Variants in UBR2 observed in about 807,000 individuals in gnomAD.
The protein encoded by UBR2 is ubiquitin protein ligase E3 component n-recognin 2.
A neutral mutation model predicts 247.9 loss-of-function variants in UBR2; 92 were observed. That is an observed-to-expected ratio of 0.37 (90% CI 0.31 to 0.44). The LOEUF (loss-of-function observed/expected upper bound fraction) is 0.44. Among genes scored for constraint, UBR2 ranks in the 20% least tolerant of loss-of-function variants. The probability of loss-of-function intolerance (pLI) is 1.00; values close to 1 mark genes in which losing one functional copy is unlikely to be tolerated. For synonymous variants in UBR2, 672 were observed against 693.5 expected, an observed-to-expected ratio of 0.97 and a Z score of 0.49; for missense variants, 1,613 against 2,112.6, an observed-to-expected ratio of 0.76 and a Z score of 4.64.
chr6:42,581,102 T>C (rs1791865135), intron 2 of UBR2, among the ~76,000 whole-genome samples: 2 of 145,310 alleles, frequency 1.4e-5, no homozygotes, highest in South Asian at 4.6e-4. Context: ...CAGCCTCAAC[T>C]TCCCAGGTTC....
rs1234872126 is a variant in UBR2 at position 42,643,628 on chromosome 6, A to G, written c.2098-586A>G. ...AAATAAATAAAAATAAAGTCAAGAAATGTATATTTCAAAAAAATATTAGTT... is the reference window on the plus strand; with the variant it reads ...AAATAAATAAAAATAAAGTCAAGAAGTGTATATTTCAAAAAAATATTAGTT... On this transcript the variant is annotated intron_variant, in intron 18 of 46. Coordinates refer to ENST00000372901, the MANE Select transcript of UBR2 (RefSeq NM_001363705.2). 3.3e-5 allele frequency among the ~76,000 whole-genome samples: 5 copies of G among 152,152 alleles called. 1 individual carries two copies. Among genetic ancestry groups the G allele is most frequent in the South Asian group, 4.1e-4 (2 of 4,830 alleles).
intron 8 of UBR2, among the ~76,000 whole-genome samples, chr6:42,614,412 G>A (rs1211676243): frequency 1.7e-4 from 9 of 54,524 alleles, no homozygotes; most frequent in African/African-American, 5.0e-4. Context: ...ACGTATGTAT[G>A]TACGTACGTA....
chr6:42,691,245 C>A lies in UBR2; in HGVS notation c.*72C>A. The A allele has an allele frequency of 6.4e-7, 1 of 1,567,180 alleles. No homozygotes were observed. The highest frequency in any genetic ancestry group is 8.6e-7 in the Non-Finnish European group (1 of 1,157,168). Reference sequence around the variant, plus strand: ...TGGCTTTTTAAGAAAGAAAGAAGTTCTGCTGAATTTGGAAATAAATTCTTT... The same window carrying A: ...TGGCTTTTTAAGAAAGAAAGAAGTTATGCTGAATTTGGAAATAAATTCTTT... On this transcript the variant is annotated 3_prime_UTR_variant, in exon 47 of 47. Coordinates refer to ENST00000372901, the MANE Select transcript of UBR2 (RefSeq NM_001363705.2).
intron 15 of UBR2, among the ~76,000 whole-genome samples, chr6:42,638,713 G>A (rs911113520): frequency 2.6e-4 from 39 of 152,022 alleles, no homozygotes; most frequent in African/African-American, 9.2e-4. Flanking sequence ...TGTGGAAGTA[G>A]CACGCAGGCG....
chr6:42,573,096 A>G (rs1444017578), intron 1 of UBR2, among the ~76,000 whole-genome samples: 1 of 152,106 alleles, frequency 6.6e-6, no homozygotes, highest in Non-Finnish European at 1.5e-5. Flanking sequence ...TACCTATGAG[A>G]TCTAAGTAGA....
chr6:42,588,893 G>GT (rs1562288125), intron 2 of UBR2, among the ~76,000 whole-genome samples: 3 of 152,202 alleles, frequency 2.0e-5, no homozygotes, highest in African/African-American at 7.2e-5. Context: ...TTAGCTGTAG[G>GT]TTTTTTTGTA....
At chr6:42,571,904 CT>C (rs1165971424) in intron 1 of UBR2, among the ~76,000 whole-genome samples, 1 of 151,744 alleles carries the variant, frequency 6.6e-6, no homozygotes, top group Non-Finnish European at 1.5e-5. Context: ...GACTCTTTTT[CT>C]TTTTTTAAAA....
chr6:42,646,691 G>A (rs1796772639), intron 21 of UBR2, among the ~76,000 whole-genome samples: 1 of 151,876 alleles, frequency 6.6e-6, no homozygotes, highest in South Asian at 2.1e-4. Context: ...CAACATATCT[G>A]ATCTGAATGT....
chr6:42,643,753 G>A (rs1404489250), intron 18 of UBR2, among the ~76,000 whole-genome samples: 1 of 152,078 alleles, frequency 6.6e-6, no homozygotes, highest in African/African-American at 2.4e-5. Context: ...TATAATGCTT[G>A]CCAGAAAAAA....
chr6:42,667,038 T>C (rs978565120), intron 34 of UBR2, among the ~76,000 whole-genome samples: 2 of 152,050 alleles, frequency 1.3e-5, no homozygotes, highest in Non-Finnish European at 2.9e-5. Flanking sequence ...ACTCAATAAA[T>C]ACAGACCTAA....
intron 38 of UBR2, among the ~76,000 whole-genome samples, chr6:42,675,207 T>C (rs767169838): frequency 2.6e-5 from 4 of 152,202 alleles, no homozygotes; most frequent in Non-Finnish European, 5.9e-5. Flanking sequence ...CCACCACCAC[T>C]TATACTGCCA....
chr6:42,570,986 A>ATTT (rs1288392012), intron 1 of UBR2, among the ~76,000 whole-genome samples: 1 of 143,378 alleles, frequency 7.0e-6, no homozygotes. Context: ...AGCCTGGCCG[A>ATTT]TTTTTTTTTT....
At chr6:42,622,131 T>TTAGCCTCCCGAGTAGCTGG (rs1795028133) in intron 11 of UBR2, among the ~76,000 whole-genome samples, 1 of 152,104 alleles carries the variant, frequency 6.6e-6, no homozygotes, top group Non-Finnish European at 1.5e-5. Flanking sequence ...TTCTCCTGTC[T>TTAGCCTCCCGAGTAGCTGG]TAGCCTCCCG....
At chr6:42,635,055 T>C (rs959437884) in intron 13 of UBR2, among the ~76,000 whole-genome samples, 5 of 152,188 alleles carry the variant, frequency 3.3e-5, no homozygotes, top group African/African-American at 1.2e-4. Flanking sequence ...AGTTATAAAT[T>C]CAATAACATT....
intron 2 of UBR2, among the ~76,000 whole-genome samples, chr6:42,581,621 C>G (rs1791910251): frequency 1.3e-5 from 2 of 152,188 alleles, no homozygotes; most frequent in South Asian, 4.1e-4. Flanking sequence ...GCTACTGCGC[C>G]CACCCTGGTT....
chr6:42,574,879 A>G (rs1324028330), intron 2 of UBR2, among the ~76,000 whole-genome samples: 2 of 151,892 alleles, frequency 1.3e-5, no homozygotes, highest in African/African-American at 2.4e-5. Flanking sequence ...TTGTATTTTT[A>G]ATAGAGACGG....
chr6:42,567,239 A>G (rs1248481599), intron 1 of UBR2, among the ~76,000 whole-genome samples: 3 of 152,196 alleles, frequency 2.0e-5, no homozygotes, highest in Admixed American at 2.0e-4. Context: ...TCCAGCTAGT[A>G]TGCCTCACAA....
At chr6:42,630,036 A>T (rs888256124) in intron 11 of UBR2, among the ~76,000 whole-genome samples, 1 of 152,002 alleles carries the variant, frequency 6.6e-6, no homozygotes, top group Admixed American at 6.6e-5. Context: ...AGCTGGAACT[A>T]TAGACAGGAG....
chr6:42,568,164 C>T (rs1230398481), intron 1 of UBR2, among the ~76,000 whole-genome samples: 1 of 152,070 alleles, frequency 6.6e-6, no homozygotes, highest in Non-Finnish European at 1.5e-5. Context: ...AGATATAACT[C>T]ACATACTGTA....
Sources: gnomAD v4.1 joint callset for allele counts (sites outside exome capture counted in the v4.1 genomes callset) on GRCh38, gnomAD v4.1.1 for gene constraint, MANE v1.5 for transcripts, NCBI Gene and HGNC (gene_info 2026-07-23, HGNC 2026-07-21) for gene names.